Variants in ESR1 observed in about 807,000 individuals in gnomAD.
The protein encoded by ESR1 is estrogen receptor.
Under a neutral mutation model 52.7 loss-of-function variants are expected in ESR1, and 12 were observed. The observed-to-expected ratio is 0.23, with a 90% CI of 0.15 to 0.37. The LOEUF (loss-of-function observed/expected upper bound fraction) is 0.37. Among genes scored for constraint, ESR1 ranks in the 10% least tolerant of loss-of-function variants. ESR1 has a pLI of 1.00. For missense variants in ESR1, 584 were observed against 779.7 expected, an observed-to-expected ratio of 0.75 and a Z score of 2.99; for synonymous variants, 305 against 316.8, an observed-to-expected ratio of 0.96 and a Z score of 0.39.
At chr6:151,771,796 T>C (rs1268131049) in intron 2 of ESR1, among the ~76,000 whole-genome samples, 1 of 152,226 alleles carries the variant, frequency 6.6e-6, no homozygotes, top group East Asian at 1.9e-4. Flanking sequence ...CCCACTTCTG[T>C]ATTGTTTGAA....
At chr6:151,894,156 G>C (rs1039524354) in intron 3 of ESR1, among the ~76,000 whole-genome samples, 19 of 152,140 alleles carry the variant, frequency 1.2e-4, no homozygotes, top group African/African-American at 4.3e-4. Context: ...TGGTGATGTT[G>C]AGTATTTTTT....
At chr6:151,791,268 G>A (rs1193309354) in intron 2 of ESR1, among the ~76,000 whole-genome samples, 1 of 152,148 alleles carries the variant, frequency 6.6e-6, no homozygotes, top group African/African-American at 2.4e-5. Flanking sequence ...TCCAGTCGGA[G>A]GTAATTGAAT....
At chr6:152,119,082 G>A (rs778682784) in intron 6 of ESR1, among the ~76,000 whole-genome samples, 19 of 152,154 alleles carry the variant, frequency 1.2e-4, no homozygotes, top group Non-Finnish European at 2.1e-4. Context: ...TGGGAGGCCC[G>A]GCTTTTCTGG....
At chr6:151,912,226 G>A (rs968053504) in intron 3 of ESR1, among the ~76,000 whole-genome samples, 1 of 152,282 alleles carries the variant, frequency 6.6e-6, no homozygotes, top group African/African-American at 2.4e-5. Context: ...TCTGATAGGC[G>A]CTGTATCTTA....
chr6:152,009,955 AT>A (rs1024556310), intron 4 of ESR1, among the ~76,000 whole-genome samples: 3 of 152,154 alleles, frequency 2.0e-5, no homozygotes, highest in Non-Finnish European at 4.4e-5. Flanking sequence ...AGTCTTAAAA[AT>A]AATTATGCTT....
At chr6:151,904,993 A>G (rs1009085826) in intron 3 of ESR1, among the ~76,000 whole-genome samples, 2 of 152,244 alleles carry the variant, frequency 1.3e-5, no homozygotes, top group African/African-American at 4.8e-5. Context: ...AATTAAAAGA[A>G]TTAGAGAGTT....
At chr6:151,674,102 T>G (rs1778171978) in intron 1 of ESR1, among the ~76,000 whole-genome samples, 1 of 152,160 alleles carries the variant, frequency 6.6e-6, no homozygotes, top group Non-Finnish European at 1.5e-5. Context: ...CCATGGTTGT[T>G]TGCCGCACCC....
At chr6:151,862,087 C>T (rs998796559) in intron 2 of ESR1, among the ~76,000 whole-genome samples, 1 of 152,110 alleles carries the variant, frequency 6.6e-6, no homozygotes, top group Non-Finnish European at 1.5e-5. Flanking sequence ...TGAATACTTG[C>T]CCTGCTCCAG....
intron 2 of ESR1, among the ~76,000 whole-genome samples, chr6:151,726,917 G>C (rs569517295): frequency 6.6e-6 from 1 of 152,010 alleles, no homozygotes; most frequent in Admixed American, 6.6e-5. Flanking sequence ...GTGATGGTGG[G>C]CATTCTTTTC....
At chr6:152,059,837 A>AT (rs1295940637) in intron 5 of ESR1, among the ~76,000 whole-genome samples, 17 of 152,314 alleles carry the variant, frequency 1.1e-4, no homozygotes, top group African/African-American at 4.1e-4. Flanking sequence ...GAAAGAAGTG[A>AT]TTGAAGAAAG....
intron 6 of ESR1, among the ~76,000 whole-genome samples, chr6:152,121,423 G>C (rs1192758716): frequency 6.6e-6 from 1 of 152,186 alleles, no homozygotes; most frequent in African/African-American, 2.4e-5. Context: ...AAAAGGAATG[G>C]AGAATAGAGG....
rs75542456 is a variant in ESR1 at position 151,907,379 on chromosome 6, A to G, written c.760+26608A>G. 3.0e-4 allele frequency among the ~76,000 whole-genome samples: 45 copies of G among 152,190 alleles called. No homozygotes were observed. The East Asian group carries it at 7.5e-3, about 25-fold the overall frequency. ...TTTTAGGTCTTTTTGAATGACTTCT[A>G]ATAAAGTTTTTCAATTTTCTCCAAA... is the stretch of plus-strand genomic sequence containing the variant. On this transcript the variant is annotated intron_variant, in intron 3 of 7. Transcript: ENST00000206249.
chr6:151,908,655 GAAAT>G (rs1198787204), intron 3 of ESR1, among the ~76,000 whole-genome samples: 37 of 152,228 alleles, frequency 2.4e-4, no homozygotes, highest in South Asian at 2.1e-3. Context: ...ATGCAGTAGA[GAAAT>G]AAGTTAACTT....
intron 2 of ESR1, among the ~76,000 whole-genome samples, chr6:151,705,428 G>A (rs1003610033): frequency 1.3e-5 from 2 of 152,052 alleles, no homozygotes; most frequent in South Asian, 4.1e-4. Context: ...AAACACATAT[G>A]AACTAAAGAT....
At chr6:151,867,088 T>A (rs1219057226) in intron 2 of ESR1, among the ~76,000 whole-genome samples, 1 of 152,144 alleles carries the variant, frequency 6.6e-6, no homozygotes, top group East Asian at 1.9e-4. Context: ...CTGGACCCCT[T>A]CCTTACACCT....
chr6:151,975,510 C>T (rs186534564), intron 4 of ESR1, among the ~76,000 whole-genome samples: 34 of 152,146 alleles, frequency 2.2e-4, no homozygotes, highest in Admixed American at 1.0e-3. Context: ...CATGCCATTG[C>T]GGTCATTGGC....
intron 2 of ESR1, among the ~76,000 whole-genome samples, chr6:151,864,530 C>T (rs1323471782): frequency 6.6e-5 from 10 of 152,098 alleles, no homozygotes; most frequent in African/African-American, 9.7e-5. Flanking sequence ...GACAGTGTGG[C>T]GATTCCTCAG....
At chr6:152,110,291 T>C (rs1486039055) in intron 6 of ESR1, among the ~76,000 whole-genome samples, 2 of 152,174 alleles carry the variant, frequency 1.3e-5, no homozygotes, top group African/African-American at 2.4e-5. Flanking sequence ...TGCCTGTCAA[T>C]GGTAGACTGG....
At chr6:152,107,449 A>AT (rs566322400), downstream of ESR1, among the ~76,000 whole-genome samples, 9 of 152,270 alleles carry the variant, frequency 5.9e-5, no homozygotes, top group East Asian at 1.3e-3. Context: ...ATAAAAATTG[A>AT]TTTTTTAAAA....
Sources: gnomAD v4.1 joint callset for allele counts (sites outside exome capture counted in the v4.1 genomes callset) on GRCh38, gnomAD v4.1.1 for gene constraint, MANE v1.5 for transcripts, NCBI Gene and HGNC (gene_info 2026-07-23, HGNC 2026-07-21) for gene names.